The following SEC23A variants were observed in gnomAD, a reference collection of about 807,000 sequenced individuals.
The protein encoded by SEC23A is protein transport protein Sec23A.
Under a neutral mutation model 103.7 loss-of-function variants are expected in SEC23A, and 56 were observed. The ratio of observed to expected loss-of-function variants is 0.54; its 90% confidence interval spans 0.44 to 0.67. The LOEUF (loss-of-function observed/expected upper bound fraction) is 0.67, where lower values mean the gene tolerates loss of function less well. Ranked by LOEUF, SEC23A falls within the 30% of genes least tolerant of loss-of-function variation. The pLI is 0.00. For synonymous variants in SEC23A, 281 were observed against 293.0 expected (o/e 0.96, Z 0.42); for missense variants, 784 against 936.4 (o/e 0.84, Z 2.12).
chr14:39,099,543 G>A (rs1888013977), intron 1 of SEC23A, among the ~76,000 whole-genome samples: 1 of 151,946 alleles, frequency 6.6e-6, no homozygotes, highest in African/African-American at 2.4e-5. Flanking sequence ...GATCAGTGTT[G>A]GTATTAATGT....
rs574612327 is a variant in SEC23A, at chr14:39,046,124, G to A, written c.1738-800C>T. On this transcript the variant is annotated intron_variant, in intron 15 of 19. Transcript: ENST00000307712. ...GTAAGATATGTCTTGCTTCCCCTTCGCTTTCCGCCATGATTGTGAGTCCTC... is the reference window on the plus strand; with the variant it reads ...GTAAGATATGTCTTGCTTCCCCTTCACTTTCCGCCATGATTGTGAGTCCTC... Among the ~76,000 whole-genome samples the A allele has an allele frequency of 6.6e-5, 10 of 152,088 alleles. No individual in the cohort carries two copies. In the South Asian group the frequency reaches 1.0e-3, roughly 16 times the overall value.
chr14:39,082,331 A>G (rs911024882), intron 7 of SEC23A, among the ~76,000 whole-genome samples: 5 of 151,868 alleles, frequency 3.3e-5, no homozygotes, highest in African/African-American at 1.2e-4. Context: ...CCAATTAATA[A>G]AAGTAGAAAT....
chr14:39,093,301 A>G (rs1238071375), intron 2 of SEC23A, 57 bp from the exon 3 acceptor site: 1 of 1,369,366 alleles, frequency 7.3e-7, no homozygotes, highest in African/African-American at 1.4e-5. Flanking sequence ...AATTTTACAA[A>G]AATCCTAATT....
chr14:39,054,883 C>T (rs961614874), intron 14 of SEC23A, among the ~76,000 whole-genome samples: 1 of 152,114 alleles, frequency 6.6e-6, no homozygotes, highest in Non-Finnish European at 1.5e-5. Flanking sequence ...AACCTCATTC[C>T]AGCCAATAAG....
At chr14:39,097,044 T>G (rs1052963514) in intron 1 of SEC23A, among the ~76,000 whole-genome samples, 1 of 152,236 alleles carries the variant, frequency 6.6e-6, no homozygotes, top group East Asian at 1.9e-4. Flanking sequence ...TAGACTCTTT[T>G]GCAGAAACTT....
In SEC23A at chr14:39,085,689, T is replaced by TAC. The variant is rs59136053; in HGVS notation, c.828+71_828+72dup. On this transcript the variant is annotated intron_variant, in intron 7 of 19. Coordinates refer to ENST00000307712, the MANE Select transcript of SEC23A (RefSeq NM_006364.4). ...TTCTTCTTATCCTTATAATTATATA[T>TAC]ACACACACACACACACACACACACA... 22,561 of 1,190,790 alleles carry TAC rather than the reference T, an allele frequency of 0.019. 133 individuals are homozygous for TAC. Among genetic ancestry groups the TAC allele is most frequent in the Admixed American group, 0.098 (5,186 of 53,120 alleles). 73.8% of individuals were successfully genotyped at this position (1,190,790 alleles called of 1,614,324 possible).
chr14:39,040,695 CAACA>C (rs1566479995), intron 18 of SEC23A, 33 bp downstream of exon 18: 17 of 1,613,838 alleles, frequency 1.1e-5, no homozygotes, highest in Non-Finnish European at 1.4e-5. Context: ...GCAAACCTAA[CAACA>C]AACAAACACA....
At chr14:39,088,270 T>A (rs1018034854) in intron 5 of SEC23A, 5 of 151,950 alleles carry the variant, frequency 3.3e-5, no homozygotes, top group African/African-American at 9.7e-5. Flanking sequence ...AGAAAAAAAA[T>A]TCAGTCTGCA....
chr14:39,063,995 C>CA (rs927872646), intron 11 of SEC23A, among the ~76,000 whole-genome samples: 2 of 100,462 alleles, frequency 2.0e-5, no homozygotes, highest in Middle Eastern at 4.0e-3. Flanking sequence ...GACTCCGTCT[C>CA]AAAAAAAATA....
intron 15 of SEC23A, chr14:39,047,587 T>C: frequency 3.7e-6 from 1 of 267,566 alleles, no homozygotes; most frequent in Non-Finnish European, 7.4e-6. Flanking sequence ...AATATGAATT[T>C]CCACATCTCA....
In SEC23A at chr14:39,048,512, G is replaced by T. The variant is rs1167521668; in HGVS notation, c.1737+140C>A. On this transcript the variant is annotated intron_variant, in intron 15 of 19. Transcript: ENST00000307712. ...TCCTGTAGTCCTAACTACTCAGGAG[G>T]CTGACTAAGCCCCGGAGTTCCAGGT... The T allele has an allele frequency of 4.7e-6, 3 of 636,584 alleles. No homozygotes were observed. In the African/African-American group the frequency reaches 5.5e-5, roughly 12 times the overall value. The allele number at this position is 636,584 out of a possible 1,614,324, so 39.4% of individuals were successfully genotyped here. A position where few individuals can be genotyped will look rare whatever the true frequency, so the allele number is the denominator to read the frequency against.
In SEC23A at chr14:39,091,698, G is replaced by A. The variant is rs768094128; in HGVS notation, c.382C>T (p.Pro128Ser). 1 of 1,613,170 alleles carries A rather than the reference G, an allele frequency of 6.2e-7. No homozygotes were observed. The highest frequency in any genetic ancestry group is 1.1e-5 in the South Asian group (1 of 91,066). ...TCAACCACATAGAGGAATATCAAAGGCATCTGAGGACCACGCTTTTAAAAA... is the reference window on the plus strand; with the variant it reads ...TCAACCACATAGAGGAATATCAAAGACATCTGAGGACCACGCTTTTAAAAA... ...EYVVLRGPQMPLIFLYVVDTC... is the reference protein window; with the variant it reads ...EYVVLRGPQMSLIFLYVVDTC... Residue 128 changes from proline to serine, a missense_variant, in exon 5 of 20, where the codon CCT (proline) becomes TCT (serine). By Grantham distance (74) the Pro-to-Ser change is moderately conservative. Coordinates refer to ENST00000307712, the MANE Select transcript of SEC23A (RefSeq NM_006364.4).
At chr14:39,079,672 A>C (rs1019008827) in intron 7 of SEC23A, among the ~76,000 whole-genome samples, 5 of 152,090 alleles carry the variant, frequency 3.3e-5, no homozygotes, top group Admixed American at 3.3e-4. Flanking sequence ...AATACAAAAA[A>C]TTAGCCAGGC....
intron 5 of SEC23A, among the ~76,000 whole-genome samples, chr14:39,087,278 G>A (rs769445663): frequency 3.3e-5 from 5 of 152,126 alleles, no homozygotes; most frequent in Non-Finnish European, 7.4e-5. Flanking sequence ...CTAATTAACA[G>A]TCAAAATAAA....
At chr14:39,100,194 T>A (rs1888034466) in intron 1 of SEC23A, among the ~76,000 whole-genome samples, 1 of 152,170 alleles carries the variant, frequency 6.6e-6, no homozygotes, top group Non-Finnish European at 1.5e-5. Flanking sequence ...ATTATACTTC[T>A]TACATTCCCA....
At chr14:39,084,919 C>T (rs1887375887) in intron 7 of SEC23A, among the ~76,000 whole-genome samples, 2 of 152,190 alleles carry the variant, frequency 1.3e-5, no homozygotes, top group South Asian at 4.1e-4. Context: ...GATCTGCCCA[C>T]CTCAGCCTCC....
chr14:39,038,515 CT>C (rs1045471975), intron 19 of SEC23A, among the ~76,000 whole-genome samples: 28 of 147,326 alleles, frequency 1.9e-4, no homozygotes, highest in East Asian at 1.6e-3. Context: ...GAGGTTAACA[CT>C]TTTTTTTTTT....
intron 5 of SEC23A, among the ~76,000 whole-genome samples, chr14:39,089,282 TTAA>T (rs1430349590): frequency 5.9e-5 from 9 of 152,182 alleles, no homozygotes; most frequent in African/African-American, 1.9e-4. Context: ...AATTCATAAT[TTAA>T]TAATAACATT....
At chr14:39,033,409 A>G in intron 19 of SEC23A, 81 bp from the exon 20 acceptor site, 4 of 951,792 alleles carry the variant, frequency 4.2e-6, no homozygotes, top group Non-Finnish European at 6.5e-6. Flanking sequence ...AAAATAGACA[A>G]GGAAATCATT....
Sources: gnomAD v4.1 joint callset for allele counts (sites outside exome capture counted in the v4.1 genomes callset) on GRCh38, gnomAD v4.1.1 for gene constraint, MANE v1.5 for transcripts, NCBI Gene and HGNC (gene_info 2026-07-23, HGNC 2026-07-21) for gene names.